The following MBP variants were observed in gnomAD, a reference collection of about 807,000 sequenced individuals.
MBP encodes Golli-MBP.
In MBP, 16 loss-of-function variants were observed where a neutral mutation model predicts 35.8. The ratio of observed to expected loss-of-function variants is 0.45; its 90% CI spans 0.30 to 0.68. The LOEUF (loss-of-function observed/expected upper bound fraction) is 0.68, where lower values mean the gene tolerates loss of function less well. Ranked by LOEUF, MBP falls within the 30% of genes least tolerant of loss-of-function variation. The pLI, the probability that MBP is intolerant of heterozygous loss-of-function variation, is 0.08. For synonymous variants in MBP, 143 were observed against 159.6 expected (o/e 0.90, Z 0.78); for missense variants, 380 against 404.7 (o/e 0.94, Z 0.52).
intron 4 of MBP, among the ~76,000 whole-genome samples, chr18:77,000,264 T>G (rs899648160): frequency 2.6e-5 from 4 of 152,250 alleles, no homozygotes; most frequent in African/African-American, 7.2e-5. Flanking sequence ...TACACTTTGA[T>G]GAGCACATTG....
chr18:77,027,423 C>A (rs541777487), intron 3 of MBP, among the ~76,000 whole-genome samples: 4 of 152,354 alleles, frequency 2.6e-5, no homozygotes, highest in South Asian at 2.1e-4. Context: ...GAGGCTGCAA[C>A]GTCTAGCCCT....
At chr18:77,094,561 G>A (rs141229066) in intron 2 of MBP, among the ~76,000 whole-genome samples, 5 of 152,334 alleles carry the variant, frequency 3.3e-5, no homozygotes, top group Admixed American at 2.6e-4. Context: ...TTGTACATTT[G>A]TGCTATGGTT....
At position 77,096,713 on chromosome 18, in the gene MBP, A is replaced by T. The variant is rs149825244; in HGVS notation, c.51+8498T>A. ...CTCAGCCCACCCACAGCTGAAAAGC[A>T]GGTTTCCAGACTTATTGCTTGTTAG... On this transcript the variant is annotated intron_variant, in intron 2 of 8. Coordinates refer to ENST00000355994, the MANE Select transcript of MBP (RefSeq NM_001025101.2). Among the ~76,000 whole-genome samples, 706 of 152,348 alleles carry T rather than the reference A, an allele frequency of 4.6e-3. 1 individual carries two copies. The highest frequency in any genetic ancestry group is 7.5e-3 in the Non-Finnish European group (511 of 68,024).
Position 76,980,143 on chromosome 18 carries a change from C to G in MBP, c.*284G>C, listed in dbSNP as rs1435823442. ...TGGAGGGACGTCTGTGCACCTGGCC[C>G]CCTGAAGACCCACGTGCGTCTGGGG... On this transcript the variant is annotated 3_prime_UTR_variant, in exon 9 of 9. Coordinates refer to ENST00000355994, the MANE Select transcript of MBP (RefSeq NM_001025101.2). 1.5e-6 allele frequency: 1 copy of G among 654,270 alleles called. No homozygotes were observed. Among genetic ancestry groups the G allele is most frequent in the South Asian group, 1.7e-5 (1 of 59,550 alleles). 40.5% of individuals were successfully genotyped at this position (654,270 alleles called of 1,614,324 possible). A position where few individuals can be genotyped will look rare whatever the true frequency, so the allele number is the denominator to read the frequency against.
At chr18:77,028,529 G>T (rs1972339205) in intron 3 of MBP, among the ~76,000 whole-genome samples, 5 of 100,396 alleles carry the variant, frequency 5.0e-5, no homozygotes, top group Non-Finnish European at 1.0e-4. Context: ...CGGGGTGGTG[G>T]CCGGGCAGAG....
chr18:77,052,513 A>G (rs1413165304), intron 3 of MBP, among the ~76,000 whole-genome samples: 1 of 152,214 alleles, frequency 6.6e-6, no homozygotes, highest in Non-Finnish European at 1.5e-5. Flanking sequence ...CAGTTGTCCC[A>G]TTGTGGCTGT....
chr18:76,984,944 G>T (rs745516016), intron 7 of MBP, 50 bp from the exon 8 acceptor site: 1 of 1,604,232 alleles, frequency 6.2e-7, no homozygotes, highest in Non-Finnish European at 8.5e-7. Flanking sequence ...TGCTGGGCAC[G>T]CTGCTTGAGC....
intron 1 of MBP, among the ~76,000 whole-genome samples, chr18:77,126,703 C>T (rs1789079): frequency 0.5 from 75,663 of 151,978 alleles, 19,222 homozygotes; most frequent in African/African-American, 0.57. Flanking sequence ...AGAATGTGGA[C>T]TGACACATAA....
At position 77,020,973 on chromosome 18, in the gene MBP, A is replaced by G. The variant is rs930433358; in HGVS notation, c.140-3705T>C. Among the ~76,000 whole-genome samples, 1 of 152,246 alleles carries G rather than the reference A, an allele frequency of 6.6e-6. No homozygotes were observed. Among genetic ancestry groups the G allele is most frequent in the African/African-American group, 2.4e-5 (1 of 41,464 alleles). ...TTTCTCATGTGGTTTGGTTCACACTAAAAATACTTTGAGGGCATTTCTTCA... is the reference window on the plus strand; with the variant it reads ...TTTCTCATGTGGTTTGGTTCACACTGAAAATACTTTGAGGGCATTTCTTCA... On this transcript the variant is annotated intron_variant, in intron 3 of 8. Coordinates refer to ENST00000355994, the MANE Select transcript of MBP (RefSeq NM_001025101.2). This position sits in a 1 kb window ranked among gnomAD's most constrained non-coding sequence, Gnocchi z 4.1.
At chr18:77,054,333 C>T (rs1244420686) in intron 3 of MBP, among the ~76,000 whole-genome samples, 2 of 152,242 alleles carry the variant, frequency 1.3e-5, no homozygotes, top group East Asian at 3.8e-4. Flanking sequence ...GAGCGAAGAG[C>T]TCACCCCCGG....
At chr18:77,115,778 C>T (rs1976639924) in intron 1 of MBP, 1 of 152,216 alleles carries the variant, frequency 6.6e-6, no homozygotes, top group African/African-American at 2.4e-5. Flanking sequence ...TGGCTCTGAG[C>T]TGATCTCCTA....
chr18:77,061,457 T>C (rs1973975048), intron 3 of MBP, among the ~76,000 whole-genome samples: 1 of 152,200 alleles, frequency 6.6e-6, no homozygotes, highest in Non-Finnish European at 1.5e-5. Flanking sequence ...TACTCACAGG[T>C]CATTTTATGA....
chr18:77,097,981 C>G (rs1046071828), intron 2 of MBP, among the ~76,000 whole-genome samples: 2 of 152,016 alleles, frequency 1.3e-5, no homozygotes, highest in Non-Finnish European at 2.9e-5. Context: ...GAAGGACACC[C>G]CTGTCTCTCC....
chr18:77,045,979 G>T (rs887259175), intron 3 of MBP, among the ~76,000 whole-genome samples: 1 of 152,160 alleles, frequency 6.6e-6, no homozygotes, highest in African/African-American at 2.4e-5. Flanking sequence ...CAAACATGTC[G>T]ATGGATGTGA....
chr18:77,017,585 T>G, intron 3 of MBP: 1 of 251,690 alleles, frequency 4.0e-6, no homozygotes, highest in Non-Finnish European at 7.5e-6. Context: ...GGTGCTGCCA[T>G]GGCTGCTCCC....
rs60010988 is a variant in MBP at position 77,084,431 on chromosome 18, C to CCACACA, written c.52-18052_52-18047dup. Among the ~76,000 whole-genome samples the CCACACA allele has an allele frequency of 6.2e-3, 661 of 105,920 alleles. 17 individuals carry two copies. Among genetic ancestry groups the CCACACA allele is most frequent in the African/African-American group, 0.017 (481 of 28,718 alleles). 69.5% of individuals were successfully genotyped at this position (105,920 alleles called of 152,430 possible). A position where few individuals can be genotyped will look rare whatever the true frequency, so the allele number is the denominator to read the frequency against. The stretch of plus-strand genomic sequence containing the variant: ...ACACCGCCCCCCCCGCCACACCACA[C>CCACACA]CACACACACACACACACACACACAC... On this transcript the variant is annotated intron_variant, in intron 2 of 8. Transcript: ENST00000355994.
rs772570115 is a variant in MBP at position 77,016,882 on chromosome 18, C to G, written c.526G>C (p.Gly176Arg). The G allele has an allele frequency of 6.2e-7, 1 of 1,614,212 alleles. No individual in the cohort carries two copies. Among genetic ancestry groups the G allele is most frequent in the Non-Finnish European group, 8.5e-7 (1 of 1,180,044 alleles). The change falls in exon 4 of 9, where the codon GGG becomes CGG. Residue 176 changes from glycine (G) to arginine (R), a missense_variant. By Grantham distance (125) the Gly-to-Arg change is moderately radical (BLOSUM62 -2). Coordinates refer to ENST00000355994, the MANE Select transcript of MBP (RefSeq NM_001025101.2). ...HRDTGILDSI[G>R]RFFGGDRGAP... is the part of the protein sequence containing the mutation. The stretch of plus-strand genomic sequence containing the variant: ...CCCCTGTCACCGCCAAAGAAGCGCC[C>G]GATGGAGTCAAGGATGCCCGTGTCT...
At chr18:77,022,403 C>T (rs1335420596) in intron 3 of MBP, among the ~76,000 whole-genome samples, 4 of 152,130 alleles carry the variant, frequency 2.6e-5, no homozygotes, top group Admixed American at 6.5e-5. Context: ...TCGGTGGCAC[C>T]GTTCTTCCAT....
intron 4 of MBP, among the ~76,000 whole-genome samples, chr18:76,997,794 T>C (rs1051365628): frequency 2.4e-4 from 37 of 151,180 alleles, no homozygotes; most frequent in Admixed American, 1.3e-3. Flanking sequence ...GCCACTCTCC[T>C]GCCTCAACCT....
Sources: allele counts gnomAD v4.1 joint callset (sites outside exome capture counted in the v4.1 genomes callset), GRCh38; gene constraint gnomAD v4.1.1; non-coding constraint Gnocchi (gnomAD v3.1); transcripts MANE v1.5; gene names NCBI Gene and HGNC (gene_info 2026-07-23, HGNC 2026-07-21).